Variants in NIPA2 observed in about 807,000 individuals in gnomAD.
NIPA2 encodes the protein magnesium transporter NIPA2.
NIPA2 carries 11 observed loss-of-function variants against 29.7 expected under a neutral mutation model. The observed-to-expected ratio is 0.37, with a 90% CI of 0.23 to 0.61. NIPA2 has a LOEUF of 0.61. NIPA2 is among the 20% of genes least tolerant of loss of function. The pLI is 0.66. For missense variants in NIPA2, 426 were observed against 437.9 expected, an observed-to-expected ratio of 0.97 and a Z score of 0.24; for synonymous variants, 183 against 161.9, an observed-to-expected ratio of 1.13 and a Z score of -0.99.
chr15:22,866,591 T>C lies in NIPA2; in HGVS notation c.827T>C (p.Val276Ala). 2.5e-6 allele frequency: 4 copies of C among 1,614,212 alleles called. No individual in the cohort carries two copies. Among genetic ancestry groups the C allele is most frequent in the Non-Finnish European group, 3.4e-6 (4 of 1,180,014 alleles). Residue 276 changes from valine to alanine, a missense_variant, in exon 8 of 8, where the codon GTT becomes GCT. Physicochemically the swap from Val to Ala is moderately conservative, Grantham distance 64. Transcript: ENST00000337451. ...ILFKEWQDMPVDDVIGTLSGF... is the reference protein window; with the variant it reads ...ILFKEWQDMPADDVIGTLSGF... Reference sequence around the variant, plus strand: ...TTTAAGGAGTGGCAAGATATGCCTGTTGACGATGTCATTGGTACTTTGAGT... The same window carrying C: ...TTTAAGGAGTGGCAAGATATGCCTGCTGACGATGTCATTGGTACTTTGAGT...
intron 4 of NIPA2, among the ~76,000 whole-genome samples, chr15:22,852,104 G>C (rs534310871): frequency 6.6e-6 from 1 of 152,296 alleles, no homozygotes; most frequent in East Asian, 1.9e-4. Context: ...AATGGAAACA[G>C]GGACCAATGC....
chr15:22,847,541 T>G (rs1899129133), intron 3 of NIPA2, among the ~76,000 whole-genome samples: 1 of 151,908 alleles, frequency 6.6e-6, no homozygotes, highest in African/African-American at 2.4e-5. Context: ...CTCGGCTTAC[T>G]GAAACCTCCG....
At chr15:22,859,753 G>GT (rs562233192) in intron 6 of NIPA2, among the ~76,000 whole-genome samples, 47 of 151,034 alleles carry the variant, frequency 3.1e-4, no homozygotes, top group Admixed American at 1.4e-3. Context: ...ATTTTTATCT[G>GT]TTTTTTTTTC....
Position 22,858,649 on chromosome 15 carries a change from T to C in NIPA2, c.287+19T>C, listed in dbSNP as rs767184174. 3.4e-6 allele frequency: 5 copies of C among 1,460,968 alleles called. No homozygotes were observed. The highest frequency in any genetic ancestry group is 2.3e-5 in the East Asian group (1 of 42,614). The allele number at this position is 1,460,968 out of a possible 1,614,324, so 90.5% of individuals were successfully genotyped here. ...TAGTAAGGTAAGGACACGTTTTTCA[T>C]GTAGAAACAGTAGTCGGTATCTTAG... On this transcript the variant is annotated intron_variant, in intron 6 of 7. Transcript: ENST00000337451.
Position 22,866,749 on chromosome 15 carries a change from G to A in NIPA2, c.985G>A (p.Glu329Lys), listed in dbSNP as rs2059111340. ...GAATGGCAATCTCTCTAATATGTAT[G>A]AAGTTCTTAATAATAATGAAGAAAG... ...AMNGNLSNMY[E>K]VLNNNEESLT... The change falls in exon 8 of 8, where the codon GAA becomes AAA. Residue 329 changes from glutamate to lysine, a missense_variant. Physicochemically the swap from Glu to Lys is moderately conservative, Grantham distance 56. This residue lies in a region of NIPA2 where 357 missense variants were observed against 339.8 expected (regional missense o/e 1.05). Coordinates refer to ENST00000337451, the MANE Select transcript of NIPA2 (RefSeq NM_030922.7). 1 of 1,613,638 alleles carries A rather than the reference G, an allele frequency of 6.2e-7. No homozygotes were observed. Among genetic ancestry groups the A allele is most frequent in the African/African-American group, 1.3e-5 (1 of 74,898 alleles).
At chr15:22,853,747 A>G (rs1184111198) in intron 5 of NIPA2, among the ~76,000 whole-genome samples, 1 of 152,128 alleles carries the variant, frequency 6.6e-6, no homozygotes, top group African/African-American at 2.4e-5. Context: ...AAAGGCATGC[A>G]ATTCATAATA....
chr15:22,858,175 C>G (rs191626315), intron 5 of NIPA2, among the ~76,000 whole-genome samples: 1 of 152,004 alleles, frequency 6.6e-6, no homozygotes, highest in Non-Finnish European at 1.5e-5. Context: ...GGGCAGATCA[C>G]GAGGTCAGGA....
chr15:22,864,896 C>G (rs1039523747), intron 7 of NIPA2, among the ~76,000 whole-genome samples: 4 of 152,102 alleles, frequency 2.6e-5, no homozygotes, highest in Admixed American at 2.6e-4. Flanking sequence ...CAGTCTCACT[C>G]TATTGCCCAG....
chr15:22,858,516 TTTC>T (rs1312747005), intron 5 of NIPA2, 21 bp from the exon 6 acceptor site: 1 of 1,560,690 alleles, frequency 6.4e-7, no homozygotes. Flanking sequence ...TACCTGAGTT[TTTC>T]TTTTGTTGTC....
intron 4 of NIPA2, among the ~76,000 whole-genome samples, chr15:22,852,111 A>G (rs2057788028): frequency 6.6e-6 from 1 of 152,210 alleles, no homozygotes; most frequent in Non-Finnish European, 1.5e-5. Flanking sequence ...ACAGGGACCA[A>G]TGCCCAAGTA....
intron 4 of NIPA2, 50 bp from the exon 5 acceptor site, chr15:22,853,162 A>T (rs2057900429): frequency 8.3e-7 from 1 of 1,202,616 alleles, no homozygotes. Flanking sequence ...TATAATTTAT[A>T]CAAGAGTCTT....
rs1177598910 is a variant in NIPA2 at position 22,845,172 on chromosome 15, G to C, written c.-189G>C. On this transcript the variant is annotated 5_prime_UTR_variant, in exon 3 of 8. Transcript: ENST00000337451. ...CTCTCCCGGCTGTGATAGACCTTCA[G>C]TTACAGAGAGAGGGAGCAGAGTGGG... The C allele has an allele frequency of 6.6e-6, 1 of 152,208 alleles. No homozygotes were observed. Among genetic ancestry groups the C allele is most frequent in the Non-Finnish European group, 1.5e-5 (1 of 68,066 alleles). The allele number at this position is 152,208 out of a possible 1,614,324, so 9.4% of individuals were successfully genotyped here. A position where few individuals can be genotyped will look rare whatever the true frequency, so the allele number is the denominator to read the frequency against.
At chr15:22,845,711 T>C (rs1245124152) in intron 3 of NIPA2, among the ~76,000 whole-genome samples, 1 of 151,984 alleles carries the variant, frequency 6.6e-6, no homozygotes, top group Non-Finnish European at 1.5e-5. Flanking sequence ...AGGGCCTGTC[T>C]GAGGGTGTCA....
At chr15:22,844,506 A>G (rs1898051847) in intron 2 of NIPA2, among the ~76,000 whole-genome samples, 1 of 152,194 alleles carries the variant, frequency 6.6e-6, no homozygotes, top group South Asian at 2.1e-4. Flanking sequence ...GTGAGCCGAG[A>G]TGGCGCCATC....
chr15:22,840,301 T>TG (rs1566808303), intron 2 of NIPA2, among the ~76,000 whole-genome samples: 1 of 142,258 alleles, frequency 7.0e-6, no homozygotes, highest in African/African-American at 2.7e-5. Flanking sequence ...TTTTTTTTTT[T>TG]GTTTTTTTTT....
In NIPA2 at chr15:22,853,142, T is replaced by G. The variant is rs377469594; in HGVS notation, c.140-70T>G. The G allele has an allele frequency of 6.8e-6, 7 of 1,022,556 alleles. No individual in the cohort carries two copies. In the African/African-American group the frequency reaches 1.1e-4, roughly 16 times the overall value. 63.3% of individuals were successfully genotyped at this position (1,022,556 alleles called of 1,614,324 possible). A position where few individuals can be genotyped will look rare whatever the true frequency, so the allele number is the denominator to read the frequency against. ...ACTGAGATATTTAAAAATCTGTCATTACTAATAGTTATAATTTATACAAGA... is the reference window on the plus strand; with the variant it reads ...ACTGAGATATTTAAAAATCTGTCATGACTAATAGTTATAATTTATACAAGA... On this transcript the variant is annotated intron_variant, in intron 4 of 7. Transcript: ENST00000337451.
rs1295698718 is a variant in NIPA2 at position 22,867,552 on chromosome 15, A to G, written c.*705A>G. On this transcript the variant is annotated 3_prime_UTR_variant, in exon 8 of 8. Coordinates refer to ENST00000337451, the MANE Select transcript of NIPA2 (RefSeq NM_030922.7). ...CTGGGTTTATTCTTCAGTTACCCTAATCCCATGATGCCTGGAACCTTGATT... is the reference window on the plus strand; with the variant it reads ...CTGGGTTTATTCTTCAGTTACCCTAGTCCCATGATGCCTGGAACCTTGATT... 9.2e-6 allele frequency: 2 copies of G among 216,944 alleles called. No homozygotes were observed. The highest frequency in any genetic ancestry group is 1.8e-5 in the Non-Finnish European group (2 of 111,738). The allele number at this position is 216,944 out of a possible 1,614,324, so 13.4% of individuals were successfully genotyped here. A position where few individuals can be genotyped will look rare whatever the true frequency, so the allele number is the denominator to read the frequency against.
rs145147241 is a variant in NIPA2, at chr15:22,851,821, G to GA, written c.98dup (p.Leu35ProfsTer21). 2.2e-5 allele frequency: 35 copies of GA among 1,603,086 alleles called. No individual in the cohort carries two copies. Among genetic ancestry groups the GA allele is most frequent in the Admixed American group, 1.3e-4 (8 of 59,278 alleles). ...TTTTCATTGGAGGAAGTTTCATTTT[G>GA]AAAAAAAAGGGCCTCCTTCGACTTG... On this transcript the variant is annotated frameshift_variant, in exon 4 of 8. Transcript: ENST00000337451. LOFTEE classifies it high-confidence loss of function.
intron 2 of NIPA2, among the ~76,000 whole-genome samples, chr15:22,844,698 G>A (rs890136000): frequency 3.3e-5 from 5 of 152,108 alleles, no homozygotes; most frequent in African/African-American, 1.2e-4. Flanking sequence ...AGACAGCAGT[G>A]AGCGATGATC....
Sources: allele counts gnomAD v4.1 joint callset (sites outside exome capture counted in the v4.1 genomes callset), GRCh38; gene constraint gnomAD v4.1.1; regional missense constraint gnomAD v4.1.1; transcripts MANE v1.5; gene names NCBI Gene and HGNC (gene_info 2026-07-23, HGNC 2026-07-21).